LRRC74B: variants seen among roughly 807,000 people sequenced by gnomAD.
LRRC74B encodes leucine-rich repeat-containing protein 74B.
A neutral mutation model predicts 16.6 loss-of-function variants in LRRC74B; 30 were observed. The ratio of observed to expected loss-of-function variants is 1.80; its 90% CI spans 1.35 to 2.45. LRRC74B has a LOEUF of 2.45. Ranked by LOEUF, LRRC74B falls within the 30% of genes most tolerant of loss-of-function variation. The probability of loss-of-function intolerance (pLI) is 0.00; values close to 1 mark genes in which losing one functional copy is unlikely to be tolerated. For missense variants in LRRC74B, 326 were observed against 202.4 expected, an observed-to-expected ratio of 1.61 and a Z score of -3.71; for synonymous variants, 134 against 86.0, an observed-to-expected ratio of 1.56 and a Z score of -3.09.
At chr22:21,057,351 G>T (rs1314692173) in intron 8 of LRRC74B, among the ~76,000 whole-genome samples, 151 bp downstream of exon 8, 2 of 152,240 alleles carry the variant, frequency 1.3e-5, no homozygotes, top group Non-Finnish European at 2.9e-5. Flanking sequence ...GGACTTGAAT[G>T]CAGGCATGGG....
chr22:21,061,362 A>C (rs1455850608), downstream of LRRC74B, among the ~76,000 whole-genome samples: 1 of 152,264 alleles, frequency 6.6e-6, no homozygotes, highest in Non-Finnish European at 1.5e-5. Flanking sequence ...TATCATAATG[A>C]AAATTGGAAG....
intron 3 of LRRC74B, chr22:21,048,364 G>A (rs978321447): frequency 3.4e-6 from 1 of 297,166 alleles, no homozygotes; most frequent in African/African-American, 2.1e-5. Flanking sequence ...GTAAGAAGCA[G>A]GTAGGCAATG....
At chr22:21,053,828 T>C in intron 6 of LRRC74B, 1 of 169,078 alleles carries the variant, frequency 5.9e-6, no homozygotes. Context: ...CTGCTGGCCT[T>C]GAACTCTTGG....
intron 8 of LRRC74B, among the ~76,000 whole-genome samples, 176 bp downstream of exon 8, chr22:21,057,376 C>T (rs1930597108): frequency 6.6e-6 from 1 of 152,196 alleles, no homozygotes; most frequent in Non-Finnish European, 1.5e-5. Flanking sequence ...CTCAGCTCTG[C>T]CCGCTCCAGA....
chr22:21,054,686 G>A (rs1930346309), intron 6 of LRRC74B, among the ~76,000 whole-genome samples: 1 of 152,252 alleles, frequency 6.6e-6, no homozygotes, highest in Non-Finnish European at 1.5e-5. Flanking sequence ...TGACTCCGGA[G>A]ACAAAGTGGT....
intron 8 of LRRC74B, among the ~76,000 whole-genome samples, chr22:21,058,001 T>G (rs1930636398): frequency 2.0e-5 from 3 of 150,888 alleles, no homozygotes; most frequent in Admixed American, 1.3e-4. Context: ...TTCTTCTACC[T>G]CAGCCTCCTG....
intron 4 of LRRC74B, chr22:21,049,513 G>A (rs1281591973): frequency 4.8e-6 from 1 of 206,228 alleles, no homozygotes; most frequent in Non-Finnish European, 9.7e-6. Context: ...GAAGAACAGG[G>A]ACCCCCTACT....
At chr22:21,047,941 C>G (rs1234364652) in exon 3 of LRRC74B, 1 of 717,434 alleles carries the variant, frequency 1.4e-6, no homozygotes, top group Admixed American at 2.0e-5. Flanking sequence ...GCGGCTGGAC[C>G]TTCGAGACAA....
At chr22:21,058,287 A>G (rs1930653302) in intron 8 of LRRC74B, among the ~76,000 whole-genome samples, 1 of 151,762 alleles carries the variant, frequency 6.6e-6, no homozygotes, top group Non-Finnish European at 1.5e-5. Flanking sequence ...AGGTGGGAGG[A>G]TCCCTTGAAG....
upstream of LRRC74B, chr22:21,045,955 T>G (rs1188837574): frequency 1.4e-6 from 1 of 714,136 alleles, no homozygotes; most frequent in Non-Finnish European, 2.6e-6. Context: ...TGTCTCCGAC[T>G]CAGTGTCTGA....
chr22:21,050,310 C>G (rs904638529), intron 4 of LRRC74B, among the ~76,000 whole-genome samples: 12 of 151,438 alleles, frequency 7.9e-5, no homozygotes, highest in African/African-American at 2.9e-4. Context: ...GCTGCGATTA[C>G]AGGTGTGGGC....
downstream of LRRC74B, chr22:21,064,076 G>C (rs1201108187): frequency 6.6e-6 from 1 of 152,660 alleles, no homozygotes; most frequent in Non-Finnish European, 1.5e-5. Context: ...CATGCCCGGG[G>C]GCAATTGTTT....
intron 4 of LRRC74B, chr22:21,049,418 T>A (rs1929793158): frequency 6.1e-6 from 3 of 490,398 alleles, no homozygotes; most frequent in Non-Finnish European, 1.1e-5. Flanking sequence ...AAAACCAAGT[T>A]CCTGACCTCA....
chr22:21,049,949 C>T (rs1192059337), intron 4 of LRRC74B, among the ~76,000 whole-genome samples: 1 of 152,184 alleles, frequency 6.6e-6, no homozygotes, highest in East Asian at 1.9e-4. Context: ...GTTAGGCATG[C>T]AGATGCTGAC....
rs1490009410 is a variant in LRRC74B, at chr22:21,056,837, C to T, written c.928-268C>T. ...ACATTTCATGATGCTTCCTTTCCCT[C>T]CCCTCTCCCCAGCAGGCAAGTTCTT... On this transcript the variant is annotated intron_variant, in intron 7 of 8. Transcript: ENST00000442047. 19 of 426,526 alleles carry T rather than the reference C, an allele frequency of 4.5e-5. 1 individual carries two copies. The highest frequency in any genetic ancestry group is 6.3e-4 in the Middle Eastern group (1 of 1,598). The allele number at this position is 426,526 out of a possible 1,614,324, so 26.4% of individuals were successfully genotyped here. A position where few individuals can be genotyped will look rare whatever the true frequency, so the allele number is the denominator to read the frequency against.
chr22:21,052,049 A>G (rs1331242902), intron 4 of LRRC74B, among the ~76,000 whole-genome samples, 200 bp from the exon 5 acceptor site: 1 of 152,128 alleles, frequency 6.6e-6, no homozygotes, highest in Non-Finnish European at 1.5e-5. Flanking sequence ...TTTAGTCTAA[A>G]TGAATAGCTC....
chr22:21,061,885 G>A (rs1244429679), downstream of LRRC74B: 2 of 152,128 alleles, frequency 1.3e-5, no homozygotes, highest in African/African-American at 2.4e-5. Context: ...CAATAAAAAG[G>A]AATTTGAGGT....
intron 7 of LRRC74B, among the ~76,000 whole-genome samples, chr22:21,056,167 G>C (rs935867623): frequency 6.6e-6 from 1 of 152,150 alleles, no homozygotes; most frequent in Admixed American, 6.5e-5. Context: ...AAAACTGTTG[G>C]AGTTTTATCC....
At chr22:21,046,749 A>T (rs1929471585) in intron 1 of LRRC74B, among the ~76,000 whole-genome samples, 1 of 152,104 alleles carries the variant, frequency 6.6e-6, no homozygotes, top group Non-Finnish European at 1.5e-5. Flanking sequence ...CTTCTGCCTC[A>T]GCCTCCTGAG....
Sources: gnomAD v4.1 joint callset for allele counts (sites outside exome capture counted in the v4.1 genomes callset) on GRCh38, gnomAD v4.1.1 for gene constraint, MANE v1.5 for transcripts, NCBI Gene and HGNC (gene_info 2026-07-23, HGNC 2026-07-21) for gene names.